COP1: variants seen among roughly 807,000 people sequenced by gnomAD.
The protein encoded by COP1 is COP1 E3 ubiquitin ligase.
Under a neutral mutation model 101.3 loss-of-function variants are expected in COP1, and 24 were observed. That is an observed-to-expected ratio of 0.24 (90% CI 0.17 to 0.33). The LOEUF (loss-of-function observed/expected upper bound fraction) is 0.33, where lower values mean the gene tolerates loss of function less well. COP1 is among the 10% of genes least tolerant of loss of function. COP1 has a pLI of 1.00. For missense variants in COP1, 663 were observed against 906.2 expected (o/e 0.73, Z 3.45); for synonymous variants, 347 against 341.9 (o/e 1.01, Z -0.17).
chr1:176,024,409 A>G (rs10913125), intron 15 of COP1, among the ~76,000 whole-genome samples: 143,021 of 152,222 alleles, frequency 0.94, 67,638 homozygotes, highest in East Asian at 1. Context: ...AACAGAGGCA[A>G]AAAAAAAGCA....
At chr1:176,052,145 C>T (rs1211642391) in intron 11 of COP1, among the ~76,000 whole-genome samples, 4 of 152,104 alleles carry the variant, frequency 2.6e-5, no homozygotes, top group African/African-American at 9.7e-5. Flanking sequence ...ACACGTGTAC[C>T]AGTTTCTATC....
At chr1:176,042,580 A>C (rs1371317851) in intron 14 of COP1, among the ~76,000 whole-genome samples, 1 of 150,418 alleles carries the variant, frequency 6.6e-6, no homozygotes, top group Non-Finnish European at 1.5e-5. Context: ...AAAAAAAAAA[A>C]ACTAGCCAAG....
intron 15 of COP1, among the ~76,000 whole-genome samples, chr1:175,992,433 C>A (rs1415925941): frequency 6.6e-6 from 1 of 152,214 alleles, no homozygotes; most frequent in African/African-American, 2.4e-5. Context: ...CGAGCCAAAG[C>A]AGGGTGAGGC....
At chr1:176,008,647 T>C (rs535049242) in intron 15 of COP1, among the ~76,000 whole-genome samples, 1 of 152,308 alleles carries the variant, frequency 6.6e-6, no homozygotes, top group East Asian at 1.9e-4. Context: ...CTTTTTTTAC[T>C]GAAAAGCAGA....
At chr1:176,108,980 TGCGCACCTGCAGTCTCA>T (rs1427831384) in intron 9 of COP1, among the ~76,000 whole-genome samples, 1 of 151,936 alleles carries the variant, frequency 6.6e-6, no homozygotes, top group Non-Finnish European at 1.5e-5. Context: ...GGCGCGGTGG[TGCGCACCTGCAGTCTCA>T]GCTACTCGGG....
intron 18 of COP1, among the ~76,000 whole-genome samples, chr1:175,964,901 C>CTCT (rs1284494659): frequency 1.3e-5 from 2 of 152,188 alleles, no homozygotes; most frequent in African/African-American, 4.8e-5. Context: ...CCATAAGAGC[C>CTCT]TCTTGTCTTA....
At chr1:175,966,982 A>G (rs188699879) in intron 18 of COP1, among the ~76,000 whole-genome samples, 5 of 152,248 alleles carry the variant, frequency 3.3e-5, no homozygotes, top group Admixed American at 3.3e-4. Flanking sequence ...CTTCATCACA[A>G]AGGAACACTT....
At chr1:176,037,796 C>CA (rs1390355481) in intron 14 of COP1, among the ~76,000 whole-genome samples, 44 of 152,232 alleles carry the variant, frequency 2.9e-4, no homozygotes, top group South Asian at 1.9e-3. Context: ...TTTAAATTGA[C>CA]ACAGGTGCCT....
rs529370223 is a variant in COP1 at position 176,198,206 on chromosome 1, A to C, written c.407+8366T>G. On this transcript the variant is annotated intron_variant, in intron 1 of 19. Coordinates refer to ENST00000367669, the MANE Select transcript of COP1 (RefSeq NM_022457.7). ...AATCAAAACAACTTTGAAATAAAGG[A>C]TAAAAATTACACTACCTGATTTCAA... 2.5e-3 allele frequency among the ~76,000 whole-genome samples: 381 copies of C among 152,336 alleles called. 2 individuals carry two copies. The highest frequency in any genetic ancestry group is 8.9e-3 in the African/African-American group (372 of 41,580).
intron 11 of COP1, among the ~76,000 whole-genome samples, chr1:176,053,046 T>C (rs1672844763): frequency 6.6e-6 from 1 of 152,140 alleles, no homozygotes; most frequent in Admixed American, 6.5e-5. Context: ...AATTGACACA[T>C]AAGCAAGAGT....
At chr1:176,076,611 A>G (rs1422165808) in intron 11 of COP1, among the ~76,000 whole-genome samples, 3 of 152,264 alleles carry the variant, frequency 2.0e-5, no homozygotes, top group East Asian at 1.9e-4. Flanking sequence ...AGAAGAAAAA[A>G]CTAAAATCAG....
chr1:176,158,969 T>C (rs140429326), intron 5 of COP1, among the ~76,000 whole-genome samples: 1 of 152,192 alleles, frequency 6.6e-6, no homozygotes, highest in East Asian at 1.9e-4. Context: ...GATGAAGTAG[T>C]ATAATATTAC....
chr1:176,151,011 T>C (rs1332489351), intron 5 of COP1, among the ~76,000 whole-genome samples: 2 of 151,634 alleles, frequency 1.3e-5, no homozygotes, highest in African/African-American at 4.8e-5. Context: ...ATGGAAAGAG[T>C]ATAACCAATT....
At chr1:176,204,521 C>CA (rs1261257986) in intron 1 of COP1, among the ~76,000 whole-genome samples, 2 of 152,152 alleles carry the variant, frequency 1.3e-5, no homozygotes, top group Non-Finnish European at 2.9e-5. Context: ...AGAGTCTGGA[C>CA]AAAATCAAAC....
At chr1:176,006,976 T>C (rs1444819915) in intron 15 of COP1, among the ~76,000 whole-genome samples, 2 of 152,070 alleles carry the variant, frequency 1.3e-5, no homozygotes, top group African/African-American at 4.8e-5. Context: ...CCCATCACTT[T>C]CAGGTATACC....
chr1:175,947,369 AAT>A, intron 18 of COP1, 130 bp from the exon 19 acceptor site: 4 of 643,654 alleles, frequency 6.2e-6, no homozygotes, highest in South Asian at 1.9e-5. Flanking sequence ...ATGAAGATAC[AAT>A]TTTTTTTTTT....
chr1:175,948,739 T>A (rs1571215318), intron 18 of COP1, among the ~76,000 whole-genome samples: 2 of 152,338 alleles, frequency 1.3e-5, no homozygotes, highest in East Asian at 3.9e-4. Flanking sequence ...GGAATCAGAA[T>A]ACTCTTTGGA....
intron 6 of COP1, among the ~76,000 whole-genome samples, chr1:176,141,798 T>TC (rs1344285539): frequency 1.3e-5 from 2 of 151,562 alleles, no homozygotes; most frequent in Non-Finnish European, 2.9e-5. Flanking sequence ...TGGCACAATC[T>TC]CAGTTCACTG....
chr1:176,001,395 T>C (rs1398185908), intron 15 of COP1, among the ~76,000 whole-genome samples: 4 of 152,152 alleles, frequency 2.6e-5, no homozygotes, highest in African/African-American at 9.7e-5. Context: ...TAATTCTCTG[T>C]CAAATTTTCT....
Sources: gnomAD v4.1 joint callset for allele counts (sites outside exome capture counted in the v4.1 genomes callset) on GRCh38, gnomAD v4.1.1 for gene constraint, MANE v1.5 for transcripts, NCBI Gene and HGNC (gene_info 2026-07-23, HGNC 2026-07-21) for gene names.